The following FMN1 variants were observed in gnomAD, a reference collection of about 807,000 sequenced individuals.
FMN1 encodes the protein formin 1.
FMN1 carries 110 observed loss-of-function variants against 132.4 expected under a neutral mutation model. The observed-to-expected ratio is 0.83, with a 90% CI of 0.71 to 0.97. The LOEUF is 0.97. FMN1 is among the 50% of genes least tolerant of loss of function. The pLI is 0.00. For synonymous variants in FMN1, 722 were observed against 651.7 expected, an observed-to-expected ratio of 1.11 and a Z score of -1.64; for missense variants, 1,792 against 1,705.3, an observed-to-expected ratio of 1.05 and a Z score of -0.90.
In FMN1 at chr15:33,154,564, C is replaced by G. The variant is rs929304997; in HGVS notation, c.351G>C (p.Gly117=). 4.5e-5 allele frequency: 69 copies of G among 1,536,124 alleles called. No homozygotes were observed. The highest frequency in any genetic ancestry group is 6.0e-5 in the Non-Finnish European group (69 of 1,146,902). ...GGCTCACGGACAGCTCTTGCAGCTT[C>G]CCCTCCTGGTTCCCCATCGTGATCC... The part of the protein sequence containing the change: ...ILGITMGNQE[G]KLQELSVSLA... Residue 117 remains glycine (G), a synonymous_variant, in exon 4 of 21, where the codon GGG becomes GGC. Transcript: ENST00000616417.
chr15:32,802,279 A>T (rs2057506368), intron 18 of FMN1, among the ~76,000 whole-genome samples: 1 of 152,240 alleles, frequency 6.6e-6, no homozygotes, highest in African/African-American at 2.4e-5. Context: ...GATTACATCA[A>T]AGAGCCTGTA....
intron 5 of FMN1, chr15:33,067,213 A>T: frequency 6.2e-7 from 1 of 1,613,468 alleles, no homozygotes; most frequent in African/African-American, 1.3e-5. Flanking sequence ...GCTCTGTCTG[A>T]AGACCACCGT....
intron 9 of FMN1, among the ~76,000 whole-genome samples, chr15:32,929,003 C>T (rs1428581207): frequency 3.9e-5 from 6 of 152,210 alleles, no homozygotes; most frequent in African/African-American, 1.4e-4. Context: ...TACAACCAGA[C>T]TTAACTGTGG....
intron 4 of FMN1, chr15:33,105,699 A>G (rs1468554026): frequency 1.3e-5 from 2 of 152,156 alleles, no homozygotes; most frequent in Non-Finnish European, 2.9e-5. Context: ...CTTTCAATAA[A>G]TATCTACTTT....
intron 2 of FMN1, among the ~76,000 whole-genome samples, chr15:33,180,656 A>T (rs886585162): frequency 6.6e-6 from 1 of 151,866 alleles, no homozygotes; most frequent in Non-Finnish European, 1.5e-5. Context: ...TCACACTGCA[A>T]TGAGAACAAT....
chr15:32,941,114 C>T (rs1002422685), intron 9 of FMN1, among the ~76,000 whole-genome samples: 2 of 152,046 alleles, frequency 1.3e-5, no homozygotes, highest in African/African-American at 4.8e-5. Flanking sequence ...ATATGAATGT[C>T]AAAATAATTA....
At chr15:33,067,804 C>A (rs2037816300) in intron 5 of FMN1, 11 of 1,613,900 alleles carry the variant, frequency 6.8e-6, no homozygotes, top group Non-Finnish European at 9.3e-6. Context: ...TCAGGATCGA[C>A]TGAGCCACTT....
At chr15:32,819,567 G>T (rs1415427350) in intron 17 of FMN1, among the ~76,000 whole-genome samples, 1 of 152,054 alleles carries the variant, frequency 6.6e-6, no homozygotes, top group Non-Finnish European at 1.5e-5. Context: ...AGAATTTGTG[G>T]GACAAGATTT....
At chr15:32,932,939 GGTTGT>G (rs2061157723) in intron 9 of FMN1, among the ~76,000 whole-genome samples, 1 of 151,940 alleles carries the variant, frequency 6.6e-6, no homozygotes, top group South Asian at 2.1e-4. Flanking sequence ...AAACCAACTC[GGTTGT>G]GTTGACTATT....
intron 4 of FMN1, among the ~76,000 whole-genome samples, chr15:33,122,668 G>A (rs1344306933): frequency 2.6e-5 from 4 of 152,214 alleles, no homozygotes; most frequent in African/African-American, 9.7e-5. Context: ...TGGAGTTTGT[G>A]TCAAATCTAG....
Position 33,054,007 on chromosome 15 carries a change from T to A in FMN1, c.2161+10950A>T, listed in dbSNP as rs949769675. On this transcript the variant is annotated intron_variant, in intron 6 of 20. Transcript: ENST00000616417. ...GTGAATGAACTCAATCTCCAGTGCC[T>A]CTCCTCTCCCTGAGAGTTGAGGAGG... 4.6e-5 allele frequency among the ~76,000 whole-genome samples: 7 copies of A among 152,236 alleles called. No individual in the cohort carries two copies. In the East Asian group the frequency reaches 9.7e-4, roughly 21 times the overall value.
chr15:32,896,458 T>G (rs2060159187), intron 15 of FMN1, among the ~76,000 whole-genome samples: 1 of 152,178 alleles, frequency 6.6e-6, no homozygotes, highest in South Asian at 2.1e-4. Context: ...TAACATGATA[T>G]CTGTTCTCTT....
intron 4 of FMN1, among the ~76,000 whole-genome samples, chr15:33,121,552 G>C (rs572700107): frequency 6.6e-6 from 1 of 152,210 alleles, no homozygotes; most frequent in African/African-American, 2.4e-5. Context: ...TTGTTTTTTA[G>C]ATAGTCTTGC....
chr15:33,036,418 G>A (rs567606156), intron 6 of FMN1, among the ~76,000 whole-genome samples: 108 of 152,194 alleles, frequency 7.1e-4, no homozygotes, highest in African/African-American at 2.5e-3. Flanking sequence ...AATTATCACT[G>A]TATATTTAAT....
intron 7 of FMN1, among the ~76,000 whole-genome samples, chr15:32,994,196 T>C (rs540865703): frequency 1.4e-5 from 2 of 145,160 alleles, no homozygotes; most frequent in Non-Finnish European, 3.0e-5. Context: ...CAATAAATTG[T>C]TGAATAGAAC....
At chr15:32,965,866 T>C (rs1237523160) in intron 8 of FMN1, among the ~76,000 whole-genome samples, 1 of 152,180 alleles carries the variant, frequency 6.6e-6, no homozygotes, top group African/African-American at 2.4e-5. Context: ...ACATTTCCAG[T>C]GAAGTACATC....
chr15:33,146,427 G>A (rs566520360), intron 4 of FMN1, among the ~76,000 whole-genome samples: 27 of 151,930 alleles, frequency 1.8e-4, no homozygotes, highest in Non-Finnish European at 3.2e-4. Context: ...ATCCAACATC[G>A]TTCCAGGACC....
chr15:32,942,933 C>CAT lies in FMN1; in HGVS notation c.3139-16674_3139-16673dup, dbSNP rs1343406041. On this transcript the variant is annotated intron_variant, in intron 9 of 20. Coordinates refer to ENST00000616417, the MANE Select transcript of FMN1 (RefSeq NM_001277313.2). ...AAAACAAACAAATAAATGTAGAAAC[C>CAT]ATATATATATGAGTAGACATTTACT... is the stretch of plus-strand genomic sequence containing the variant. Among the ~76,000 whole-genome samples, 3 of 152,032 alleles carry CAT rather than the reference C, an allele frequency of 2.0e-5. No homozygotes were observed. In the East Asian group the frequency reaches 5.8e-4, roughly 29 times the overall value.
At chr15:33,050,026 T>C (rs929691535) in intron 6 of FMN1, among the ~76,000 whole-genome samples, 2 of 152,254 alleles carry the variant, frequency 1.3e-5, no homozygotes, top group Admixed American at 6.5e-5. Flanking sequence ...TGGTACAGTA[T>C]TCAACAAATT....
Sources: allele counts gnomAD v4.1 joint callset (sites outside exome capture counted in the v4.1 genomes callset), GRCh38; gene constraint gnomAD v4.1.1; transcripts MANE v1.5; gene names NCBI Gene and HGNC (gene_info 2026-07-23, HGNC 2026-07-21).